Variants in SLC19A1 observed in about 807,000 individuals in gnomAD.
SLC19A1 encodes the protein reduced folate transporter.
In SLC19A1, 37 loss-of-function variants were observed where a neutral mutation model predicts 35.3. The ratio of observed to expected loss-of-function variants is 1.05; its 90% CI spans 0.81 to 1.38. SLC19A1 has a LOEUF of 1.38. Among genes scored for constraint, SLC19A1 ranks in the 40% most tolerant of loss-of-function variants. The pLI, the probability that SLC19A1 is intolerant of heterozygous loss-of-function variation, is 0.00. For synonymous variants in SLC19A1, 460 were observed against 398.5 expected, an observed-to-expected ratio of 1.15 and a Z score of -1.84; for missense variants, 831 against 826.9, an observed-to-expected ratio of 1.00 and a Z score of -0.06.
chr21:45,509,739 C>T (rs149409736), downstream of SLC19A1: 389 of 710,898 alleles, frequency 5.5e-4, no homozygotes, highest in Middle Eastern at 3.3e-3. Flanking sequence ...CAGGGCCACT[C>T]AGGGCGGCTT....
At chr21:45,535,780 A>T (rs1033409779) in intron 2 of SLC19A1, among the ~76,000 whole-genome samples, 4 of 152,242 alleles carry the variant, frequency 2.6e-5, no homozygotes, top group Non-Finnish European at 5.9e-5. Flanking sequence ...AGCACCTTGT[A>T]GTTCAACCCA....
intron 5 of SLC19A1, among the ~76,000 whole-genome samples, chr21:45,518,294 T>C (rs373848738): frequency 1.3e-5 from 2 of 151,850 alleles, no homozygotes; most frequent in African/African-American, 2.4e-5. Context: ...GGTAGAACAA[T>C]AGAAATTATC....
downstream of SLC19A1, chr21:45,509,460 A>G (rs1383889973): frequency 2.6e-6 from 4 of 1,529,642 alleles, no homozygotes; most frequent in Admixed American, 5.8e-5. Context: ...CCTGGCGGGC[A>G]GATGACATCC....
rs1464483478 is a variant in SLC19A1 at position 45,517,093 on chromosome 21, G to A, written c.1294-953C>T. On this transcript the variant is annotated intron_variant, in intron 5 of 5. Coordinates refer to ENST00000311124, the MANE Select transcript of SLC19A1 (RefSeq NM_194255.4). The surrounding 1 kb of genome is among the most constrained non-coding windows in gnomAD (Gnocchi z 4.4). ...AAGGGCAGACTGGCCGGGCCCTCGG[G>A]GTCTGGGGAGCTGTGCCACGCAAGG... Among the ~76,000 whole-genome samples, 1 of 152,120 alleles carries A rather than the reference G, an allele frequency of 6.6e-6. No individual in the cohort carries two copies. The highest frequency in any genetic ancestry group is 1.5e-5 in the Non-Finnish European group (1 of 68,012).
At chr21:45,516,399 T>C (rs1481056291) in intron 5 of SLC19A1, among the ~76,000 whole-genome samples, 1 of 152,224 alleles carries the variant, frequency 6.6e-6, no homozygotes, top group Non-Finnish European at 1.5e-5. Context: ...GCAGGTGGCC[T>C]GCTTCTGCGT....
At position 45,504,690 on chromosome 21, in the gene SLC19A1, C is replaced by A; in HGVS notation, c.498-6078G>T. 5.2e-6 allele frequency: 4 copies of A among 773,002 alleles called. 1 individual carries two copies. Among genetic ancestry groups the A allele is most frequent in the South Asian group, 4.9e-5 (3 of 61,556 alleles). 47.9% of individuals were successfully genotyped at this position (773,002 alleles called of 1,614,324 possible). A position where few individuals can be genotyped will look rare whatever the true frequency, so the allele number is the denominator to read the frequency against. The stretch of plus-strand genomic sequence containing the variant: ...TGCAAGCTCAGCAGCCCCGACATGT[C>A]CCTGTCCCCGTGTGGGGACGCAGCA... On this transcript the variant is annotated intron_variant, in intron 3 of 4. Transcript: ENST00000417954.
intron 1 of SLC19A1, among the ~76,000 whole-genome samples, chr21:45,558,737 A>G (rs1344063445): frequency 1.3e-5 from 2 of 152,112 alleles, no homozygotes; most frequent in Non-Finnish European, 2.9e-5. Context: ...GCTTGGAACA[A>G]GGTGGAGCTG....
chr21:45,540,476 C>G lies in SLC19A1; in HGVS notation c.-50+1892G>C, dbSNP rs1034115939. On this transcript the variant is annotated intron_variant, in intron 1 of 5. Transcript: ENST00000311124. The surrounding 1 kb of genome is among the most constrained non-coding windows in gnomAD (Gnocchi z 5.5). ...ACCTCCAGAAGCGACCAGAACATTCCTTCCTTGGAGAGACAGCCAGAGTCT... is the reference window on the plus strand; with the variant it reads ...ACCTCCAGAAGCGACCAGAACATTCGTTCCTTGGAGAGACAGCCAGAGTCT... Among the ~76,000 whole-genome samples, 1 of 152,220 alleles carries G rather than the reference C, an allele frequency of 6.6e-6. No homozygotes were observed. The highest frequency in any genetic ancestry group is 1.5e-5 in the Non-Finnish European group (1 of 68,042).
In SLC19A1 at chr21:45,512,672, CCCTGTGCAACCTCTTGG is replaced by C. The variant is rs1480328646; in HGVS notation, c.*2969_*2985del. The stretch of plus-strand genomic sequence containing the variant: ...GGGTCAGGCAGGGTGCAGTATCATG[CCCTGTGCAACCTCTTGG>C]CCTGATCAGACCACGGCTCGATTTC... On this transcript the variant is annotated 3_prime_UTR_variant, in exon 6 of 6. Transcript: ENST00000311124. The C allele has an allele frequency of 1.9e-6, 1 of 528,284 alleles. No individual in the cohort carries two copies. Among genetic ancestry groups the C allele is most frequent in the Non-Finnish European group, 3.4e-6 (1 of 291,174 alleles). The allele number at this position is 528,284 out of a possible 1,614,324, so 32.7% of individuals were successfully genotyped here.
At chr21:45,503,141 G>A (rs985501498) in intron 3 of SLC19A1, among the ~76,000 whole-genome samples, 2 of 152,104 alleles carry the variant, frequency 1.3e-5, no homozygotes, top group Non-Finnish European at 2.9e-5. Flanking sequence ...CTGAGGAATC[G>A]CCACACTGAC....
Position 45,512,880 on chromosome 21 carries a change from T to TCCAGG in SLC19A1, c.*2773_*2777dup. 3 of 230,550 alleles carry TCCAGG rather than the reference T, an allele frequency of 1.3e-5. No homozygotes were observed. The highest frequency in any genetic ancestry group is 8.7e-6 in the Non-Finnish European group (1 of 114,668). 14.3% of individuals were successfully genotyped at this position (230,550 alleles called of 1,614,324 possible). A position where few individuals can be genotyped will look rare whatever the true frequency, so the allele number is the denominator to read the frequency against. Reference sequence around the variant, plus strand: ...CTCAGCACAAGGCCATCTGGGCTCCTCCAGGGTGTGTGCTCGCCCTGCGGT... The same window carrying TCCAGG: ...CTCAGCACAAGGCCATCTGGGCTCCTCCAGGCCAGGGTGTGTGCTCGCCCTGCGGT... On this transcript the variant is annotated 3_prime_UTR_variant, in exon 6 of 6. Coordinates refer to ENST00000311124, the MANE Select transcript of SLC19A1 (RefSeq NM_194255.4).
upstream of SLC19A1, among the ~76,000 whole-genome samples, chr21:45,544,856 G>A (rs982736883): frequency 6.6e-6 from 1 of 152,116 alleles, no homozygotes. Flanking sequence ...CATAGTCCAG[G>A]CCCAAGAAAT....
chr21:45,511,818 T>G (rs555749318), downstream of SLC19A1, among the ~76,000 whole-genome samples: 73 of 152,282 alleles, frequency 4.8e-4, no homozygotes, highest in Admixed American at 2.1e-3. Context: ...TGGGCAGGGC[T>G]GGGCCCCAGG....
intron 1 of SLC19A1, among the ~76,000 whole-genome samples, chr21:45,538,970 G>T (rs574233964): frequency 1.3e-5 from 2 of 152,204 alleles, no homozygotes; most frequent in Admixed American, 6.5e-5. Context: ...TCCTGATTCT[G>T]CCCAGGAGAA....
At chr21:45,559,233 CACCATGAAGA>C (rs2078592220) in intron 1 of SLC19A1, among the ~76,000 whole-genome samples, 1 of 152,196 alleles carries the variant, frequency 6.6e-6, no homozygotes, top group Non-Finnish European at 1.5e-5. Context: ...AGTCAAAAAG[CACCATGAAGA>C]ACTGCCAGCC....
At chr21:45,510,472 C>T (rs991675274), downstream of SLC19A1, among the ~76,000 whole-genome samples, 14 of 152,320 alleles carry the variant, frequency 9.2e-5, no homozygotes, top group Non-Finnish European at 1.5e-4. Context: ...ACTGCCACGT[C>T]CCCCAGGGCA....
At chr21:45,509,549 C>T (rs1426639801), downstream of SLC19A1, 41 of 1,536,364 alleles carry the variant, frequency 2.7e-5, no homozygotes, top group African/African-American at 1.4e-4. Context: ...CACCTGCGGC[C>T]GGCGCGACCC....
At chr21:45,511,852 G>A (rs78037609), downstream of SLC19A1, among the ~76,000 whole-genome samples, 5,270 of 152,276 alleles carry the variant, frequency 0.035, 235 homozygotes, top group African/African-American at 0.1. Flanking sequence ...CCAGGAGCCC[G>A]GGAGGCGGAG....
chr21:45,529,528 T>G (rs2077772325), intron 4 of SLC19A1, among the ~76,000 whole-genome samples: 1 of 152,202 alleles, frequency 6.6e-6, no homozygotes, highest in African/African-American at 2.4e-5. Context: ...AGGGTCAGTG[T>G]CTGAGTGTGT....
Sources: allele counts gnomAD v4.1 joint callset (sites outside exome capture counted in the v4.1 genomes callset), GRCh38; gene constraint gnomAD v4.1.1; non-coding constraint Gnocchi (gnomAD v3.1); transcripts MANE v1.5; gene names NCBI Gene and HGNC (gene_info 2026-07-23, HGNC 2026-07-21).